ANO4: variants seen among roughly 807,000 people sequenced by gnomAD.
ANO4 encodes anoctamin-4.
Under a neutral mutation model 141.9 loss-of-function variants are expected in ANO4, and 69 were observed. The ratio of observed to expected loss-of-function variants is 0.49; its 90% CI spans 0.40 to 0.59. The LOEUF is 0.59. ANO4 is among the 20% of genes least tolerant of loss of function. ANO4 has a pLI of 0.00. For synonymous variants in ANO4, 350 were observed against 394.3 expected (o/e 0.89, Z 1.33); for missense variants, 894 against 1,162.2 (o/e 0.77, Z 3.36).
intron 14 of ANO4, chr12:101,068,461 T>G (rs1003370603): frequency 5.4e-6 from 5 of 924,798 alleles, no homozygotes; most frequent in African/African-American, 1.6e-5. Context: ...AAGCCTTTCT[T>G]TAGTGGCTTT....
chr12:100,941,852 GTT>G (rs2042529409), intron 4 of ANO4, among the ~76,000 whole-genome samples: 1 of 151,528 alleles, frequency 6.6e-6, no homozygotes, highest in African/African-American at 2.4e-5. Flanking sequence ...ATTTTTAGAT[GTT>G]TTACATTTTG....
chr12:100,856,031 G>T (rs2038146982), intron 1 of ANO4, among the ~76,000 whole-genome samples: 1 of 152,148 alleles, frequency 6.6e-6, no homozygotes, highest in African/African-American at 2.4e-5. Context: ...TACAAAGGGA[G>T]GCTGGATAAT....
intron 8 of ANO4, among the ~76,000 whole-genome samples, chr12:101,003,977 C>A (rs2045763532): frequency 2.0e-5 from 3 of 151,762 alleles, no homozygotes; most frequent in Admixed American, 6.6e-5. Context: ...GGGTGATATT[C>A]CTATCAGATT....
At chr12:101,022,373 ATAGT>A (rs760176698) in intron 9 of ANO4, among the ~76,000 whole-genome samples, 1 of 152,162 alleles carries the variant, frequency 6.6e-6, no homozygotes, top group Non-Finnish European at 1.5e-5. Context: ...AGTCTATTTG[ATAGT>A]TAGTCATATA....
chr12:100,802,571 C>T (rs1414085997), intron 1 of ANO4, among the ~76,000 whole-genome samples: 1 of 152,178 alleles, frequency 6.6e-6, no homozygotes, highest in Admixed American at 6.5e-5. Context: ...ATAAATATTG[C>T]TTGTGGAGTG....
intron 3 of ANO4, among the ~76,000 whole-genome samples, chr12:100,781,242 TAAGA>T (rs1419936973): frequency 6.6e-6 from 1 of 152,184 alleles, no homozygotes; most frequent in African/African-American, 2.4e-5. Flanking sequence ...AAAATATTGA[TAAGA>T]AAGATTTTAT....
In ANO4 at chr12:100,887,028, T is replaced by C. The variant is rs576136026; in HGVS notation, c.-140-14618T>C. Among the ~76,000 whole-genome samples the C allele has an allele frequency of 7.2e-5, 11 of 152,342 alleles. No homozygotes were observed. The East Asian group carries it at 2.1e-3, about 29-fold the overall frequency. On this transcript the variant is annotated intron_variant, in intron 1 of 27. Transcript: ENST00000392977. ...AGGGCTCAGTAGTTGTTGGGGACAA[T>C]AGATTGCCTGTAAAAAAATTTTTTA...
At chr12:100,869,100 G>A (rs1038019455) in intron 1 of ANO4, among the ~76,000 whole-genome samples, 1 of 152,082 alleles carries the variant, frequency 6.6e-6, no homozygotes, top group Admixed American at 6.6e-5. Flanking sequence ...GCCACTCCCT[G>A]GTACTCAACC....
chr12:100,966,906 TAC>T (rs2043693972), intron 5 of ANO4, among the ~76,000 whole-genome samples: 1 of 130,198 alleles, frequency 7.7e-6, no homozygotes, highest in Non-Finnish European at 1.7e-5. Context: ...CACACACACA[TAC>T]ATATATATAT....
At chr12:100,798,686 G>A (rs892760735) in intron 1 of ANO4, among the ~76,000 whole-genome samples, 21 of 152,278 alleles carry the variant, frequency 1.4e-4, no homozygotes, top group African/African-American at 3.4e-4. Flanking sequence ...CAGAATTTTG[G>A]AGGAGAACCA....
At chr12:101,036,306 A>C (rs1336538415) in intron 9 of ANO4, among the ~76,000 whole-genome samples, 1 of 152,212 alleles carries the variant, frequency 6.6e-6, no homozygotes, top group Non-Finnish European at 1.5e-5. Context: ...TTAAAAAATA[A>C]AAAATGAACT....
chr12:100,881,815 G>C (rs1187418234), intron 1 of ANO4, among the ~76,000 whole-genome samples: 1 of 152,166 alleles, frequency 6.6e-6, no homozygotes, highest in Non-Finnish European at 1.5e-5. Context: ...ACATAACACT[G>C]TTTCTTAATC....
chr12:100,796,072 A>G (rs2034298659), intron 1 of ANO4, among the ~76,000 whole-genome samples: 1 of 150,186 alleles, frequency 6.7e-6, no homozygotes. Context: ...GGTGTGTCGA[A>G]CTATTTTGGT....
intron 24 of ANO4, among the ~76,000 whole-genome samples, chr12:101,116,429 A>T (rs770953558): frequency 3.9e-5 from 6 of 152,214 alleles, no homozygotes; most frequent in Non-Finnish European, 7.3e-5. Flanking sequence ...TCACTGAAAC[A>T]TTAATTGGGG....
At chr12:101,075,419 A>T (rs924211366) in intron 14 of ANO4, among the ~76,000 whole-genome samples, 23 of 152,026 alleles carry the variant, frequency 1.5e-4, no homozygotes, top group Non-Finnish European at 1.6e-4. Context: ...ATGTAAAATG[A>T]TAGATTGGAA....
At chr12:100,925,251 C>G (rs2041814573) in intron 3 of ANO4, among the ~76,000 whole-genome samples, 1 of 151,974 alleles carries the variant, frequency 6.6e-6, no homozygotes, top group African/African-American at 2.4e-5. Flanking sequence ...AAATAGGTAG[C>G]TTGGTACTTT....
intron 4 of ANO4, among the ~76,000 whole-genome samples, chr12:100,941,049 A>G (rs2042489135): frequency 6.6e-6 from 1 of 152,206 alleles, no homozygotes; most frequent in South Asian, 2.1e-4. Context: ...TGACAAACTA[A>G]TTGTAGATTA....
intron 16 of ANO4, among the ~76,000 whole-genome samples, 168 bp downstream of exon 16, chr12:101,083,986 A>T (rs1014412976): frequency 7.2e-5 from 11 of 152,226 alleles, no homozygotes; most frequent in African/African-American, 2.7e-4. Context: ...CTATCCCCAT[A>T]TTACAGATAG....
At chr12:100,819,341 G>A (rs571828606) in intron 1 of ANO4, among the ~76,000 whole-genome samples, 4 of 151,836 alleles carry the variant, frequency 2.6e-5, no homozygotes, top group Admixed American at 6.6e-5. Context: ...CAGGTAGATA[G>A]GTACCAGCAA....
Sources: allele counts gnomAD v4.1 joint callset (sites outside exome capture counted in the v4.1 genomes callset), GRCh38; gene constraint gnomAD v4.1.1; transcripts MANE v1.5; gene names NCBI Gene and HGNC (gene_info 2026-07-23, HGNC 2026-07-21).